The following PSMD1 variants were observed in gnomAD, a reference collection of about 807,000 sequenced individuals.
PSMD1 encodes proteasome 26S subunit, non-ATPase 1.
A neutral mutation model predicts 119.0 loss-of-function variants in PSMD1; 18 were observed. That is an observed-to-expected ratio of 0.15 (90% confidence interval 0.10 to 0.22). PSMD1 has a LOEUF of 0.22. PSMD1 is among the 10% of genes least tolerant of loss of function. The pLI is 1.00. For missense variants in PSMD1, 702 were observed against 1,158.5 expected, an observed-to-expected ratio of 0.61 and a Z score of 5.72; for synonymous variants, 374 against 396.6, an observed-to-expected ratio of 0.94 and a Z score of 0.68.
chr2:231,066,885 G>C (rs1693920991), intron 4 of PSMD1, 21 bp from the exon 5 acceptor site: 1 of 1,552,436 alleles, frequency 6.4e-7, no homozygotes. Flanking sequence ...AAGATAATCA[G>C]TTATTTTATT....
intron 16 of PSMD1, among the ~76,000 whole-genome samples, chr2:231,092,611 C>A (rs1694622797): frequency 6.6e-6 from 1 of 152,120 alleles, no homozygotes; most frequent in Non-Finnish European, 1.5e-5. Context: ...GACGTGGCTG[C>A]AAAACTGTGA....
rs367889916 is a variant in PSMD1, at chr2:231,085,126, G to C, written c.1818+12G>C. Reference sequence around the variant, plus strand: ...TGCTACATGTTGCTGTAAGTACTCTGACCTTTCTTGGGAATGGGGTGGACG... The same window carrying C: ...TGCTACATGTTGCTGTAAGTACTCTCACCTTTCTTGGGAATGGGGTGGACG... On this transcript the variant is annotated intron_variant, in intron 15 of 24. Coordinates refer to ENST00000308696, the MANE Select transcript of PSMD1 (RefSeq NM_002807.4). 1.2e-6 allele frequency: 2 copies of C among 1,606,856 alleles called. No homozygotes were observed. The highest frequency in any genetic ancestry group is 1.7e-6 in the Non-Finnish European group (2 of 1,173,600).
intron 19 of PSMD1, among the ~76,000 whole-genome samples, chr2:231,160,383 CG>C (rs1696610007): frequency 6.6e-6 from 1 of 152,138 alleles, no homozygotes; most frequent in African/African-American, 2.4e-5. Flanking sequence ...TCAATGCTTT[CG>C]TAGATTTTTA....
chr2:231,115,988 C>T (rs1695317945), intron 16 of PSMD1, among the ~76,000 whole-genome samples: 1 of 152,022 alleles, frequency 6.6e-6, no homozygotes, highest in Non-Finnish European at 1.5e-5. Flanking sequence ...AAAAGATGCA[C>T]CTAAGTTTCC....
chr2:231,073,524 A>G (rs915745411), intron 7 of PSMD1, among the ~76,000 whole-genome samples: 3 of 151,834 alleles, frequency 2.0e-5, no homozygotes, highest in African/African-American at 7.3e-5. Context: ...GATTTTTTGC[A>G]TTATATAAGT....
In PSMD1 at chr2:231,161,450, C is replaced by T. The variant is rs1219711849; in HGVS notation, c.2329C>T (p.His777Tyr). 7 of 1,614,088 alleles carry T rather than the reference C, an allele frequency of 4.3e-6. No individual in the cohort carries two copies. Among genetic ancestry groups the T allele is most frequent in the Non-Finnish European group, 5.9e-6 (7 of 1,179,992 alleles). ...GTTTTGGTTCTGGTTTCCTCTTTCA[C>T]ACTTCCTGTCATTGGCTTATACCCC... ...TQFWFWFPLSHFLSLAYTPTC... is the reference protein window; with the variant it reads ...TQFWFWFPLSYFLSLAYTPTC... Residue 777 changes from histidine (H) to tyrosine (Y), a missense_variant, in exon 20 of 25, where the codon CAC becomes TAC. By Grantham distance (83) the His-to-Tyr change is moderately conservative. Around this residue, in one of 9 missense-constraint regions of PSMD1, gnomAD observed 152 missense variants for 239.3 expected, o/e 0.64. Coordinates refer to ENST00000308696, the MANE Select transcript of PSMD1 (RefSeq NM_002807.4).
chr2:231,166,702 C>T lies in PSMD1; in HGVS notation c.2715+685C>T, dbSNP rs544843700. Among the ~76,000 whole-genome samples the T allele has an allele frequency of 9.9e-5, 15 of 152,234 alleles. No individual in the cohort carries two copies. The South Asian group carries it at 2.9e-3, about 29-fold the overall frequency. On this transcript the variant is annotated intron_variant, in intron 23 of 24. Transcript: ENST00000308696. ...AGATAACTAGAGCGCCATCAGTAGA[C>T]CCATCCAAGACATCCAGATGCTAGA...
intron 16 of PSMD1, among the ~76,000 whole-genome samples, chr2:231,136,191 C>G (rs920550773): frequency 6.6e-6 from 1 of 152,144 alleles, no homozygotes; most frequent in Admixed American, 6.5e-5. Flanking sequence ...TATACAGTTA[C>G]ATATAAATTA....
intron 16 of PSMD1, among the ~76,000 whole-genome samples, chr2:231,115,576 T>A (rs879504326): frequency 3.3e-5 from 5 of 152,080 alleles, no homozygotes; most frequent in Non-Finnish European, 5.9e-5. Context: ...TAAATAAACT[T>A]TGCCTGCTTG....
At chr2:231,117,444 CTT>C (rs1574745502) in intron 16 of PSMD1, among the ~76,000 whole-genome samples, 1 of 152,046 alleles carries the variant, frequency 6.6e-6, no homozygotes, top group Non-Finnish European at 1.5e-5. Context: ...AAATTAGACT[CTT>C]TCATTAAAAT....
chr2:231,162,245 G>T (rs187747957), intron 20 of PSMD1, among the ~76,000 whole-genome samples: 69 of 152,276 alleles, frequency 4.5e-4, no homozygotes, highest in African/African-American at 1.6e-3. Flanking sequence ...AAAGTCAAAA[G>T]GCTTTTTGAC....
intron 16 of PSMD1, among the ~76,000 whole-genome samples, chr2:231,096,122 A>G (rs1165439002): frequency 6.6e-6 from 1 of 152,038 alleles, no homozygotes; most frequent in Non-Finnish European, 1.5e-5. Context: ...GCTTTTTCTT[A>G]TCTCTTTATA....
rs535466249 is a variant in PSMD1 at position 231,171,523 on chromosome 2, C to T, written c.*9+802C>T. 3.3e-5 allele frequency among the ~76,000 whole-genome samples: 5 copies of T among 151,994 alleles called. No individual in the cohort carries two copies. In the East Asian group the frequency reaches 7.7e-4, roughly 24 times the overall value. On this transcript the variant is annotated intron_variant, in intron 24 of 24. Coordinates refer to ENST00000308696, the MANE Select transcript of PSMD1 (RefSeq NM_002807.4). ...ACATAATCAAGGTTTCCTAATTCCACCCAAGCACAAACACGTTTTCAGACA... is the reference window on the plus strand; with the variant it reads ...ACATAATCAAGGTTTCCTAATTCCATCCAAGCACAAACACGTTTTCAGACA...
chr2:231,152,112 G>A (rs1306033134), intron 18 of PSMD1, among the ~76,000 whole-genome samples: 2 of 151,952 alleles, frequency 1.3e-5, no homozygotes, highest in Non-Finnish European at 2.9e-5. Flanking sequence ...CACCTCACCC[G>A]GCCACGTGAG....
At chr2:231,108,563 G>T in intron 16 of PSMD1, 9 of 1,613,908 alleles carry the variant, frequency 5.6e-6, no homozygotes, top group Non-Finnish European at 7.6e-6. Flanking sequence ...TTCATTTTCA[G>T]TGAGGAGAAG....
chr2:231,068,533 A>G (rs1366204576), intron 5 of PSMD1, among the ~76,000 whole-genome samples: 1 of 152,168 alleles, frequency 6.6e-6, no homozygotes, highest in Non-Finnish European at 1.5e-5. Context: ...TCAACTACAG[A>G]CTGAAAATAT....
At chr2:231,100,945 G>A (rs921417986) in intron 16 of PSMD1, among the ~76,000 whole-genome samples, 23 of 152,232 alleles carry the variant, frequency 1.5e-4, no homozygotes, top group Admixed American at 1.3e-4. Flanking sequence ...TTCCTCACGC[G>A]GGGGCACCAC....
At chr2:231,153,397 T>C (rs751675849) in intron 18 of PSMD1, 167 bp from the exon 19 acceptor site, 1 of 572,960 alleles carries the variant, frequency 1.7e-6, no homozygotes, top group African/African-American at 1.9e-5. Context: ...ACACCCGTGA[T>C]TGCAACCACG....
chr2:231,098,779 C>A (rs945552728), intron 16 of PSMD1, among the ~76,000 whole-genome samples: 2 of 152,146 alleles, frequency 1.3e-5, no homozygotes, highest in African/African-American at 4.8e-5. Flanking sequence ...TCTGCCATTC[C>A]GTAAAGGTCA....
Sources: allele counts gnomAD v4.1 joint callset (sites outside exome capture counted in the v4.1 genomes callset), GRCh38; gene constraint gnomAD v4.1.1; regional missense constraint gnomAD v4.1.1; transcripts MANE v1.5; gene names NCBI Gene and HGNC (gene_info 2026-07-23, HGNC 2026-07-21).